ZNF680: variants seen among roughly 807,000 people sequenced by gnomAD.
ZNF680 encodes zinc finger protein 680, also known as hypothetical protein FLJ90430.
ZNF680 carries 6 observed loss-of-function variants against 12.1 expected under a neutral mutation model. That is an observed-to-expected ratio of 0.49 (90% CI 0.27 to 0.98). The LOEUF is 0.98. Ranked by LOEUF, ZNF680 falls within the 50% of genes least tolerant of loss-of-function variation. ZNF680 has a pLI of 0.12. For missense variants in ZNF680, 561 were observed against 616.3 expected (o/e 0.91, Z 0.95); for synonymous variants, 170 against 199.3 (o/e 0.85, Z 1.24).
chr7:64,521,526 C>A lies in ZNF680; in HGVS notation c.1228G>T (p.Glu410Ter), dbSNP rs1010012483. The part of the protein sequence containing the change: ...HTGEKPYKCE[E>*]CGKAFNGCSS... Reference sequence around the variant, plus strand: ...CACCCATTAAAAGCTTTGCCACATTCTTCACATTTGTAGGGTTTCTCTCCA... The same window carrying A: ...CACCCATTAAAAGCTTTGCCACATTATTCACATTTGTAGGGTTTCTCTCCA... Residue 410 changes from glutamate to a stop codon, truncating the protein, a stop_gained, in exon 4 of 4, where the codon GAA (glutamate) becomes TAA (stop). Coordinates refer to ENST00000309683, the MANE Select transcript of ZNF680 (RefSeq NM_178558.5). LOFTEE classifies it low-confidence loss of function (END_TRUNC). 1 of 1,613,226 alleles carries A rather than the reference C, an allele frequency of 6.2e-7. No individual in the cohort carries two copies. Among genetic ancestry groups the A allele is most frequent in the Non-Finnish European group, 8.5e-7 (1 of 1,179,768 alleles).
the ZNF680 span, among the ~76,000 whole-genome samples, chr7:64,499,561 G>T: frequency 6.6e-6 from 1 of 152,190 alleles, no homozygotes; most frequent in African/African-American, 2.4e-5. Context: ...TTCGAGACCA[G>T]CCTGGCCATC....
At chr7:64,535,236 C>T (rs373288210) in intron 3 of ZNF680, among the ~76,000 whole-genome samples, 2 of 152,110 alleles carry the variant, frequency 1.3e-5, no homozygotes, top group South Asian at 4.2e-4. Flanking sequence ...TGTGATGGTG[C>T]ATATTTGTAA....
chr7:64,554,373 G>A (rs368933143), intron 1 of ZNF680, among the ~76,000 whole-genome samples: 1 of 151,518 alleles, frequency 6.6e-6, no homozygotes. Context: ...GGGAGGTGGG[G>A]GGCAGCCCCA....
At chr7:64,501,044 T>A in the ZNF680 span, 2 of 742,312 alleles carry the variant, frequency 2.7e-6, no homozygotes, top group South Asian at 3.1e-5. Context: ...AAGGGCAGAA[T>A]AATTGCTGGC....
At position 64,536,080 on chromosome 7, in the gene ZNF680, G is replaced by A. The variant is rs531043856; in HGVS notation, c.253+7627C>T. The stretch of plus-strand genomic sequence containing the variant: ...CATATTTATCTATCTATATGTATGT[G>A]TATTAATAACATCAGGTCTCCAAAA... On this transcript the variant is annotated intron_variant, in intron 3 of 3. Transcript: ENST00000309683. Among the ~76,000 whole-genome samples the A allele has an allele frequency of 3.3e-5, 5 of 152,204 alleles. No individual in the cohort carries two copies. The East Asian group carries it at 7.7e-4, about 23-fold the overall frequency.
chr7:64,558,656 T>G (rs986468637), intron 1 of ZNF680, among the ~76,000 whole-genome samples: 5 of 152,124 alleles, frequency 3.3e-5, no homozygotes, highest in Non-Finnish European at 7.3e-5. Flanking sequence ...TTGTTACTGT[T>G]TTGAGGCAGT....
At chr7:64,555,750 A>AT (rs1491391072) in intron 1 of ZNF680, among the ~76,000 whole-genome samples, 1 of 53,976 alleles carries the variant, frequency 1.9e-5, no homozygotes, top group African/African-American at 1.6e-4. Context: ...ATATATATAT[A>AT]AAATAAGATA....
the ZNF680 span, chr7:64,501,329 A>C: frequency 4.1e-6 from 5 of 1,216,926 alleles, no homozygotes; most frequent in Non-Finnish European, 6.1e-6. Flanking sequence ...TGAAGGGGCA[A>C]AAGTGGCTTC....
the ZNF680 span, among the ~76,000 whole-genome samples, chr7:64,508,120 AATG>A: frequency 4.3e-5 from 3 of 69,236 alleles, no homozygotes; most frequent in African/African-American, 3.1e-4. Context: ...TATATTTTAA[AATG>A]TATATATATA....
downstream of ZNF680, among the ~76,000 whole-genome samples, chr7:64,517,342 T>C (rs1791376181): frequency 6.6e-6 from 1 of 151,898 alleles, no homozygotes; most frequent in African/African-American, 2.4e-5. Flanking sequence ...AACACAAAAA[T>C]CTAGAGGAGA....
At chr7:64,550,289 G>C (rs1787006550) in intron 1 of ZNF680, among the ~76,000 whole-genome samples, 1 of 152,162 alleles carries the variant, frequency 6.6e-6, no homozygotes, top group Non-Finnish European at 1.5e-5. Flanking sequence ...TTAATTTATA[G>C]CTACTTATGG....
the ZNF680 span, among the ~76,000 whole-genome samples, chr7:64,505,285 C>T: frequency 1.3e-5 from 2 of 152,170 alleles, no homozygotes; most frequent in African/African-American, 2.4e-5. Flanking sequence ...AGAAAAACTA[C>T]ATATATAACT....
chr7:64,549,055 G>T (rs1204812103), intron 1 of ZNF680, among the ~76,000 whole-genome samples: 1 of 151,826 alleles, frequency 6.6e-6, no homozygotes, highest in African/African-American at 2.4e-5. Context: ...GGGAGGCAGA[G>T]GTTGCAGTGA....
At chr7:64,527,804 G>A (rs561305209) in intron 3 of ZNF680, among the ~76,000 whole-genome samples, 1 of 152,234 alleles carries the variant, frequency 6.6e-6, no homozygotes, top group Non-Finnish European at 1.5e-5. Flanking sequence ...ATGGGAGGCA[G>A]GACTAGACTG....
the ZNF680 span, among the ~76,000 whole-genome samples, chr7:64,508,374 C>T: frequency 6.6e-6 from 1 of 151,924 alleles, no homozygotes; most frequent in African/African-American, 2.4e-5. Flanking sequence ...GTATTAAAAA[C>T]ATTTAACTAC....
intron 1 of ZNF680, 64 bp downstream of exon 1, chr7:64,562,861 G>A (rs1787821200): frequency 1.3e-6 from 2 of 1,595,706 alleles, no homozygotes; most frequent in South Asian, 2.2e-5. Context: ...TCCTGCCACA[G>A]CCACTTCCGA....
At chr7:64,502,373 C>T in the ZNF680 span, among the ~76,000 whole-genome samples, 1 of 150,104 alleles carries the variant, frequency 6.7e-6, no homozygotes, top group Non-Finnish European at 1.5e-5. Flanking sequence ...TAGTTTTTTT[C>T]ATTCATACAG....
downstream of ZNF680, among the ~76,000 whole-genome samples, chr7:64,516,972 A>G (rs530617574): frequency 1.3e-5 from 2 of 152,284 alleles, no homozygotes; most frequent in African/African-American, 4.8e-5. Flanking sequence ...AGGCCGTGCT[A>G]AGAGGAAAGT....
At chr7:64,529,196 C>T (rs1395754023) in intron 3 of ZNF680, among the ~76,000 whole-genome samples, 1 of 152,184 alleles carries the variant, frequency 6.6e-6, no homozygotes, top group Non-Finnish European at 1.5e-5. Flanking sequence ...TCTGACAGAG[C>T]CTACGCCACT....
Sources: allele counts gnomAD v4.1 joint callset (sites outside exome capture counted in the v4.1 genomes callset), GRCh38; gene constraint gnomAD v4.1.1; transcripts MANE v1.5; gene names NCBI Gene and HGNC (gene_info 2026-07-23, HGNC 2026-07-21).